The following PKD1L1 variants were observed in gnomAD, a reference collection of about 807,000 sequenced individuals.
PKD1L1 encodes polycystin 1 like 1, transient receptor potential channel interacting.
Under a neutral mutation model 323.4 loss-of-function variants are expected in PKD1L1, and 236 were observed. The observed-to-expected ratio is 0.73, with a 90% CI of 0.66 to 0.81. The LOEUF is 0.81. Ranked by LOEUF, PKD1L1 falls within the 40% of genes least tolerant of loss-of-function variation. The pLI is 0.00. For missense variants in PKD1L1, 3,320 were observed against 3,508.0 expected (o/e 0.95, Z 1.35); for synonymous variants, 1,344 against 1,335.0 (o/e 1.01, Z -0.15).
Position 47,929,256 on chromosome 7 carries a change from T to C in PKD1L1, c.1008A>G (p.Leu336=), listed in dbSNP as rs751990648. 4.3e-6 allele frequency: 7 copies of C among 1,614,130 alleles called. No homozygotes were observed. In the South Asian group the frequency reaches 7.7e-5, roughly 18 times the overall value. The change falls in exon 7 of 57, where the codon CTA becomes CTG. Residue 336 remains leucine (L), a synonymous_variant. Transcript: ENST00000289672. The part of the protein sequence containing the change: ...FGDSSGVEMR[L]HNMSEAMAVT... ...CCGCCATTGCCTCAGACATGTTGTG[T>C]AGCCTCATTTCAACCCCAGAACTGT...
chr7:47,936,504 T>C (rs936903042), intron 4 of PKD1L1, among the ~76,000 whole-genome samples: 1 of 152,222 alleles, frequency 6.6e-6, no homozygotes. Context: ...CTGTATGTTA[T>C]GCACCATGAA....
At chr7:47,913,318 G>A (rs1275984056) in intron 8 of PKD1L1, among the ~76,000 whole-genome samples, 4 of 152,142 alleles carry the variant, frequency 2.6e-5, no homozygotes, top group African/African-American at 7.2e-5. Flanking sequence ...GCTGAGTGAG[G>A]ACCGAATATA....
chr7:47,783,563 G>C (rs1337840201), intron 56 of PKD1L1, among the ~76,000 whole-genome samples: 1 of 152,204 alleles, frequency 6.6e-6, no homozygotes, highest in Non-Finnish European at 1.5e-5. Flanking sequence ...ATCAAGCTAA[G>C]ATAAGGTAAT....
Position 47,840,668 on chromosome 7 carries a change from T to G in PKD1L1, c.5446-101A>C, listed in dbSNP as rs898515857. 3.0e-5 allele frequency: 27 copies of G among 908,228 alleles called. No individual in the cohort carries two copies. The East Asian group carries it at 6.7e-4, about 22-fold the overall frequency. The allele number at this position is 908,228 out of a possible 1,614,324, so 56.3% of individuals were successfully genotyped here. On this transcript the variant is annotated intron_variant, in intron 34 of 56. Coordinates refer to ENST00000289672, the MANE Select transcript of PKD1L1 (RefSeq NM_138295.5). This position sits in a 1 kb window ranked among gnomAD's most constrained non-coding sequence, Gnocchi z 4.1. ...CGCACTTTCTCCCAGCGTCCCACCC[T>G]TCCTCAAAACCATCTGCACGGTGGA... is the stretch of plus-strand genomic sequence containing the variant.
Position 47,852,698 on chromosome 7 carries a change from AG to A in PKD1L1, c.4960+428del, listed in dbSNP as rs144375275. On this transcript the variant is annotated intron_variant, in intron 31 of 56. Transcript: ENST00000289672. Reference sequence around the variant, plus strand: ...ACACTCTGCCCCCACACTGCTTCAGAGGGGGTCCTGTGCCCTATTGATACGT... The same window carrying A: ...ACACTCTGCCCCCACACTGCTTCAGAGGGGTCCTGTGCCCTATTGATACGT... 4.0e-3 allele frequency among the ~76,000 whole-genome samples: 614 copies of A among 152,244 alleles called. 3 individuals carry two copies. Among genetic ancestry groups the A allele is most frequent in the African/African-American group, 0.014 (596 of 41,564 alleles).
Position 47,839,332 on chromosome 7 carries a change from G to C in PKD1L1, c.5769+114C>G, listed in dbSNP as rs1785519775. On this transcript the variant is annotated intron_variant, in intron 36 of 56. Coordinates refer to ENST00000289672, the MANE Select transcript of PKD1L1 (RefSeq NM_138295.5). This position sits in a 1 kb window ranked among gnomAD's most constrained non-coding sequence, Gnocchi z 4.3. ...TCGTGGTAATTAACTAAGAAAAGAGGAATACACTTTAGAAGAGTTCAAAGA... is the reference window on the plus strand; with the variant it reads ...TCGTGGTAATTAACTAAGAAAAGAGCAATACACTTTAGAAGAGTTCAAAGA... 2 of 750,958 alleles carry C rather than the reference G, an allele frequency of 2.7e-6. No homozygotes were observed. The highest frequency in any genetic ancestry group is 3.5e-5 in the African/African-American group (2 of 56,716). 46.5% of individuals were successfully genotyped at this position (750,958 alleles called of 1,614,324 possible).
At chr7:47,786,734 A>C (rs879560165) in intron 56 of PKD1L1, among the ~76,000 whole-genome samples, 6 of 152,208 alleles carry the variant, frequency 3.9e-5, no homozygotes, top group Non-Finnish European at 7.3e-5. Flanking sequence ...GCTCCTGCAA[A>C]GTGGTGAGTC....
the PKD1L1 span, among the ~76,000 whole-genome samples, chr7:47,960,710 G>C: frequency 6.6e-6 from 1 of 150,770 alleles, no homozygotes; most frequent in Non-Finnish European, 1.5e-5. Flanking sequence ...AAAAAAACAT[G>C]GTCAAAAGAC....
chr7:47,839,623 G>T lies in PKD1L1; in HGVS notation c.5592C>A (p.Leu1864=). The T allele has an allele frequency of 6.3e-7, 1 of 1,584,480 alleles. No individual in the cohort carries two copies. The highest frequency in any genetic ancestry group is 2.3e-5 in the East Asian group (1 of 43,604). ...GGGAAGGCCCACGGCTGTCGTGCCA[G>T]AGGCGGATCTTCCTCAGCAGGCCCA... ...AQLGLLRKIR[L]WHDSRGPSPG... is the part of the protein sequence containing the mutation. Residue 1864 remains leucine, a synonymous_variant, in exon 36 of 57, where the codon CTC becomes CTA. Transcript: ENST00000289672. The surrounding 1 kb of genome is among the most constrained non-coding windows in gnomAD (Gnocchi z 4.3).
intron 10 of PKD1L1, 21 bp downstream of exon 10, chr7:47,905,822 G>A: frequency 6.2e-7 from 1 of 1,609,390 alleles, no homozygotes; most frequent in Non-Finnish European, 8.5e-7. Context: ...TGTTAAATCT[G>A]GAATTAAAAC....
At chr7:47,858,108 A>C (rs1485528282) in intron 27 of PKD1L1, among the ~76,000 whole-genome samples, 13 of 152,142 alleles carry the variant, frequency 8.5e-5, no homozygotes, top group Admixed American at 8.5e-4. Flanking sequence ...TCCGTTAAAT[A>C]AGCCAGCAGG....
At chr7:47,808,497 G>T in intron 51 of PKD1L1, 110 bp from the exon 52 acceptor site, 1 of 1,318,296 alleles carries the variant, frequency 7.6e-7, no homozygotes. Context: ...TAACTACAGG[G>T]ATGCCTTCTG....
intron 17 of PKD1L1, among the ~76,000 whole-genome samples, chr7:47,886,258 T>C (rs1786682503): frequency 6.6e-6 from 1 of 152,128 alleles, no homozygotes; most frequent in South Asian, 2.1e-4. Flanking sequence ...GAAGCACATG[T>C]ATGGAAGTAG....
rs148802881 is a variant in PKD1L1 at position 47,946,460 on chromosome 7, C to A, written c.44+1937G>T. On this transcript the variant is annotated intron_variant, in intron 1 of 56. Transcript: ENST00000289672. This position sits in a 1 kb window ranked among gnomAD's most constrained non-coding sequence, Gnocchi z 4.1. ...CACCACACAGCACATACCCACCCAC[C>A]ACACACACATCGCACACACCACACA... Among the ~76,000 whole-genome samples the A allele has an allele frequency of 2.4e-3, 359 of 150,428 alleles. 3 individuals carry two copies. Among genetic ancestry groups the A allele is most frequent in the Admixed American group, 0.021 (321 of 15,000 alleles).
At chr7:47,841,907 T>C (rs918593831) in intron 34 of PKD1L1, among the ~76,000 whole-genome samples, 3 of 152,264 alleles carry the variant, frequency 2.0e-5, no homozygotes, top group African/African-American at 7.2e-5. Flanking sequence ...TTTAATGTTA[T>C]TAGTGCTAAT....
chr7:47,937,350 T>C (rs1583689257), intron 3 of PKD1L1, among the ~76,000 whole-genome samples: 1 of 151,382 alleles, frequency 6.6e-6, no homozygotes, highest in Non-Finnish European at 1.5e-5. Flanking sequence ...AGAGGAGGAA[T>C]GCAGAGCTAT....
chr7:47,801,984 G>T (rs1322610520), intron 53 of PKD1L1, among the ~76,000 whole-genome samples: 1 of 152,106 alleles, frequency 6.6e-6, no homozygotes, highest in African/African-American at 2.4e-5. Context: ...GAGGTCAGGA[G>T]ATCGAGACCA....
At chr7:47,802,432 T>A (rs1195844034) in intron 53 of PKD1L1, among the ~76,000 whole-genome samples, 2 of 152,134 alleles carry the variant, frequency 1.3e-5, no homozygotes, top group Non-Finnish European at 2.9e-5. Context: ...CTCAGGTTCG[T>A]TCTCTCTGCC....
intron 49 of PKD1L1, 57 bp from the exon 50 acceptor site, chr7:47,812,108 A>G: frequency 5.6e-6 from 8 of 1,416,554 alleles, no homozygotes; most frequent in Non-Finnish European, 7.8e-6. Context: ...ACAGAAGTCT[A>G]CTGAGGCTCC....
Sources: gnomAD v4.1 joint callset for allele counts (sites outside exome capture counted in the v4.1 genomes callset) on GRCh38, gnomAD v4.1.1 for gene constraint, Gnocchi (gnomAD v3.1) non-coding constraint, MANE v1.5 for transcripts, NCBI Gene and HGNC (gene_info 2026-07-23, HGNC 2026-07-21) for gene names.